The following SLC25A53 variants were observed in gnomAD, a reference collection of about 807,000 sequenced individuals.
SLC25A53 encodes the protein solute carrier family 25 member 53, also known as mitochondrial carrier triple repeat protein 6.
A neutral mutation model predicts 15.0 loss-of-function variants in SLC25A53; 5 were observed. The ratio of observed to expected loss-of-function variants is 0.33; its 90% confidence interval spans 0.17 to 0.70. The LOEUF (loss-of-function observed/expected upper bound fraction) is 0.70. SLC25A53 is among the 30% of genes least tolerant of loss of function. The pLI, the probability that SLC25A53 is intolerant of heterozygous loss-of-function variation, is 0.67. For synonymous variants in SLC25A53, 95 were observed against 100.0 expected (o/e 0.95, Z 0.30); for missense variants, 216 against 241.6 (o/e 0.89, Z 0.70).
At chrX:104,114,698 T>C in intron 1 of SLC25A53, 1 of 1,211,846 alleles carries the variant, frequency 8.3e-7, no homozygotes, top group Non-Finnish European at 1.1e-6. Flanking sequence ...AAGCATCTTC[T>C]CAGGATGTAT....
At chrX:104,141,114 T>C (rs2075449668) in intron 1 of SLC25A53, among the ~76,000 whole-genome samples, 1 of 111,887 alleles carries the variant, frequency 8.9e-6, no homozygotes. Context: ...TTCAATATTC[T>C]GGAAATTACC....
In SLC25A53 at chrX:104,102,666, A is replaced by G. The variant is rs1162998773; in HGVS notation, c.*1668T>C. On this transcript the variant is annotated 3_prime_UTR_variant, in exon 2 of 2. Coordinates refer to ENST00000594199, the MANE Select transcript of SLC25A53 (RefSeq NM_001012755.5). Reference sequence around the variant, plus strand: ...GCTTGATAATCAACTCAGTAATTTGACCAACGTTATTGAGCACCTAGGCAC... The same window carrying G: ...GCTTGATAATCAACTCAGTAATTTGGCCAACGTTATTGAGCACCTAGGCAC... 8.9e-6 allele frequency: 1 copy of G among 112,160 alleles called. No individual in the cohort carries two copies. Among genetic ancestry groups the G allele is most frequent in the East Asian group, 2.8e-4 (1 of 3,591 alleles). 9.2% of individuals were successfully genotyped at this position (112,160 alleles called of 1,213,427 possible).
intron 1 of SLC25A53, among the ~76,000 whole-genome samples, chrX:104,142,837 C>T (rs781887452): frequency 7.4e-4 from 79 of 106,127 alleles, no homozygotes; most frequent in African/African-American, 2.7e-3. Flanking sequence ...AAGAGAATGG[C>T]GTCAACCTGG....
At chrX:104,139,812 C>CAATA (rs1483388636) in intron 1 of SLC25A53, among the ~76,000 whole-genome samples, 6 of 110,322 alleles carry the variant, frequency 5.4e-5, no homozygotes, top group Non-Finnish European at 9.5e-5. Context: ...GACTCTGTCT[C>CAATA]AATAAATAAA....
At chrX:104,113,638 G>A (rs868936069) in intron 1 of SLC25A53, 1 of 115,819 alleles carries the variant, frequency 8.6e-6, no homozygotes, top group African/African-American at 3.2e-5. Context: ...CTGAGGCCAT[G>A]AGGTTAATGG....
intron 1 of SLC25A53, among the ~76,000 whole-genome samples, chrX:104,147,282 C>A (rs1383755521): frequency 2.7e-5 from 3 of 110,928 alleles, no homozygotes; most frequent in Non-Finnish European, 5.7e-5. Context: ...CCCTTCCTTA[C>A]ACCTTATACA....
chrX:104,115,130 C>T, intron 1 of SLC25A53: 1 of 1,204,978 alleles, frequency 8.3e-7, no homozygotes, highest in African/African-American at 1.7e-5. Flanking sequence ...ATTCGTAGAG[C>T]CAGGAAGCGA....
At chrX:104,137,354 C>T (rs1387077783) in intron 1 of SLC25A53, among the ~76,000 whole-genome samples, 1 of 110,917 alleles carries the variant, frequency 9.0e-6, no homozygotes, top group Admixed American at 9.6e-5. Flanking sequence ...AGGAACTTGA[C>T]TCCATCCCTC....
intron 1 of SLC25A53, among the ~76,000 whole-genome samples, chrX:104,148,910 A>G (rs781877893): frequency 2.7e-5 from 3 of 112,652 alleles, no homozygotes; most frequent in Non-Finnish European, 3.7e-5. Context: ...TTTACTTACA[A>G]AAAACTCCAC....
At chrX:104,148,952 G>A (rs1185566682) in intron 1 of SLC25A53, among the ~76,000 whole-genome samples, 2 of 112,472 alleles carry the variant, frequency 1.8e-5, no homozygotes, top group East Asian at 5.5e-4. Flanking sequence ...AAGATGTTCA[G>A]TTAAAAAATA....
rs782713678 is a variant in SLC25A53, at chrX:104,105,099, G to A, written c.159C>T (p.Phe53=). ...FLTFPIYKVV[F]RQQIHAMAVS... ...CTGCCATGGCATGGATCTGTTGCCG[G>A]AACACAACCTTATAGATAGGAAAGG... The change falls in exon 2 of 2, where the codon TTC becomes TTT. Residue 53 remains phenylalanine (F), a synonymous_variant. Transcript: ENST00000594199. 9.3e-5 allele frequency: 112 copies of A among 1,210,733 alleles called. No individual in the cohort carries two copies. The highest frequency in any genetic ancestry group is 6.5e-4 in the South Asian group (37 of 56,862).
intron 1 of SLC25A53, among the ~76,000 whole-genome samples, chrX:104,152,760 C>G (rs1208947467): frequency 1.8e-5 from 2 of 112,118 alleles, no homozygotes; most frequent in Non-Finnish European, 3.8e-5. Context: ...TCTGAAACAT[C>G]CAAGGCACTG....
chrX:104,138,932 C>T (rs1295227678), intron 1 of SLC25A53, among the ~76,000 whole-genome samples: 6 of 111,985 alleles, frequency 5.4e-5, no homozygotes, highest in Non-Finnish European at 1.1e-4. Context: ...TGCCTGCTAG[C>T]GTCTCGGGGT....
chrX:104,141,919 T>TA (rs1556367617), intron 1 of SLC25A53, among the ~76,000 whole-genome samples: 1 of 112,005 alleles, frequency 8.9e-6, no homozygotes, highest in Admixed American at 9.5e-5. Context: ...ACAGATAGAA[T>TA]AGGTTACCCA....
intron 1 of SLC25A53, among the ~76,000 whole-genome samples, chrX:104,125,490 C>G (rs2075408512): frequency 1.8e-5 from 2 of 111,687 alleles, no homozygotes; most frequent in Admixed American, 1.9e-4. Flanking sequence ...ATCGTAATAA[C>G]AGCTACTGCT....
At position 104,099,773 on chromosome X, in the gene SLC25A53, G is replaced by A. The variant is rs1556351796; in HGVS notation, c.*4561C>T. The A allele has an allele frequency of 8.9e-6, 1 of 111,837 alleles. No individual in the cohort carries two copies. The highest frequency in any genetic ancestry group is 1.9e-5 in the Non-Finnish European group (1 of 53,135). The allele number at this position is 111,837 out of a possible 1,213,427, so 9.2% of individuals were successfully genotyped here. A position where few individuals can be genotyped will look rare whatever the true frequency, so the allele number is the denominator to read the frequency against. ...CATCAGTGGTGGGGGGAGAAGAGTA[G>A]GTTATTAAAGGGCTCTATTTCTTGC... On this transcript the variant is annotated 3_prime_UTR_variant, in exon 2 of 2. Transcript: ENST00000594199.
intron 1 of SLC25A53, among the ~76,000 whole-genome samples, chrX:104,147,771 G>A (rs1398624100): frequency 2.0e-4 from 22 of 111,119 alleles, no homozygotes; most frequent in African/African-American, 6.9e-4. Flanking sequence ...ACACCAGTTA[G>A]AATAGCAATC....
At chrX:104,118,866 C>T (rs1186284484) in intron 1 of SLC25A53, among the ~76,000 whole-genome samples, 2 of 112,379 alleles carry the variant, frequency 1.8e-5, no homozygotes, top group African/African-American at 3.2e-5. Context: ...GTGGCTTGTG[C>T]GCCATACACA....
intron 1 of SLC25A53, among the ~76,000 whole-genome samples, chrX:104,120,321 T>A: frequency 2.7e-5 from 3 of 111,963 alleles, no homozygotes; most frequent in Middle Eastern, 9.1e-3. Context: ...AATTCCCACT[T>A]CCACCATCAA....
Sources: gnomAD v4.1 joint callset for allele counts (sites outside exome capture counted in the v4.1 genomes callset) on GRCh38, gnomAD v4.1.1 for gene constraint, MANE v1.5 for transcripts, NCBI Gene and HGNC (gene_info 2026-07-23, HGNC 2026-07-21) for gene names.